Variants in SLIT2 observed in about 807,000 individuals in gnomAD.
SLIT2 encodes the protein slit guidance ligand 2, also known as slit homolog 2 protein.
A neutral mutation model predicts 185.7 loss-of-function variants in SLIT2; 41 were observed. The observed-to-expected ratio is 0.22, with a 90% CI of 0.17 to 0.29. The LOEUF (loss-of-function observed/expected upper bound fraction) is 0.29, where lower values mean the gene tolerates loss of function less well. Ranked by LOEUF, SLIT2 falls within the 10% of genes least tolerant of loss-of-function variation. The probability of loss-of-function intolerance (pLI) is 1.00; values close to 1 mark genes in which losing one functional copy is unlikely to be tolerated. For missense variants in SLIT2, 1,571 were observed against 1,909.0 expected, an observed-to-expected ratio of 0.82 and a Z score of 3.30; for synonymous variants, 693 against 680.2, an observed-to-expected ratio of 1.02 and a Z score of -0.29.
At chr4:20,287,914 TTAAG>T (rs1309821962) in intron 4 of SLIT2, among the ~76,000 whole-genome samples, 18 of 152,220 alleles carry the variant, frequency 1.2e-4, no homozygotes, top group African/African-American at 4.1e-4. Flanking sequence ...GTATTGATGT[TTAAG>T]TTTTATAAAG....
intron 18 of SLIT2, among the ~76,000 whole-genome samples, chr4:20,534,610 C>A (rs1040080708): frequency 6.6e-6 from 1 of 152,024 alleles, no homozygotes; most frequent in African/African-American, 2.4e-5. Context: ...CTTTAGAAGG[C>A]AGAAAGGAAA....
chr4:20,289,118 A>G (rs1715563063), intron 4 of SLIT2, among the ~76,000 whole-genome samples: 1 of 152,182 alleles, frequency 6.6e-6, no homozygotes, highest in African/African-American at 2.4e-5. Flanking sequence ...GCATGTGGGG[A>G]AGTAACCAAC....
intron 9 of SLIT2, among the ~76,000 whole-genome samples, chr4:20,497,078 C>G (rs1285343994): frequency 7.1e-6 from 1 of 141,184 alleles, no homozygotes; most frequent in Non-Finnish European, 1.5e-5. Context: ...TTTTTTTTTT[C>G]TATTCTCGGC....
intron 3 of SLIT2, among the ~76,000 whole-genome samples, chr4:20,263,407 A>G (rs570379714): frequency 6.6e-6 from 1 of 151,822 alleles, no homozygotes; most frequent in Non-Finnish European, 1.5e-5. Flanking sequence ...ATACAGATGG[A>G]CAGTTCTGGA....
chr4:20,494,734 C>T (rs1037903837), intron 9 of SLIT2, among the ~76,000 whole-genome samples: 8 of 150,662 alleles, frequency 5.3e-5, no homozygotes, highest in South Asian at 2.1e-4. Context: ...GCCGAGATAG[C>T]GCCACTGCAC....
In SLIT2 at chr4:20,546,116, A is replaced by C. The variant is rs748321649; in HGVS notation, c.2345+17A>C. 2.1e-6 allele frequency: 3 copies of C among 1,452,052 alleles called. No homozygotes were observed. The highest frequency in any genetic ancestry group is 1.9e-6 in the Non-Finnish European group (2 of 1,049,838). The allele number at this position is 1,452,052 out of a possible 1,614,324, so 89.9% of individuals were successfully genotyped here. A position where few individuals can be genotyped will look rare whatever the true frequency, so the allele number is the denominator to read the frequency against. On this transcript the variant is annotated intron_variant, in intron 22 of 36. Transcript: ENST00000504154. ...AACACTTATGTGAGTAACATATTGC[A>C]CTTTTCTTTGACTTACTCTATTTCC...
intron 4 of SLIT2, among the ~76,000 whole-genome samples, chr4:20,422,972 A>G (rs1232278645): frequency 1.3e-5 from 2 of 152,144 alleles, no homozygotes; most frequent in East Asian, 3.9e-4. Flanking sequence ...TAGAAAATGT[A>G]TGTTTAACCT....
intron 21 of SLIT2, among the ~76,000 whole-genome samples, chr4:20,543,015 A>C (rs1472741522): frequency 6.6e-6 from 1 of 151,980 alleles, no homozygotes; most frequent in East Asian, 1.9e-4. Context: ...CATGGAATGC[A>C]CTTTGGGAAA....
chr4:20,360,088 G>T lies in SLIT2; in HGVS notation c.395+91207G>T, dbSNP rs773504097. 2.0e-5 allele frequency among the ~76,000 whole-genome samples: 3 copies of T among 152,154 alleles called. No homozygotes were observed. In the East Asian group the frequency reaches 5.8e-4, roughly 29 times the overall value. ...AGATCAGGTCATGTGACAGGACTCTGCTCACTCCCTCTCTACACTTTAATC... is the reference window on the plus strand; with the variant it reads ...AGATCAGGTCATGTGACAGGACTCTTCTCACTCCCTCTCTACACTTTAATC... On this transcript the variant is annotated intron_variant, in intron 4 of 36. Transcript: ENST00000504154.
intron 3 of SLIT2, among the ~76,000 whole-genome samples, chr4:20,260,343 G>T (rs1307473635): frequency 6.6e-6 from 1 of 151,680 alleles, no homozygotes; most frequent in Admixed American, 6.6e-5. Context: ...TAAGAATTTA[G>T]TTGTGAAATT....
chr4:20,404,748 C>G (rs968087427), intron 4 of SLIT2, among the ~76,000 whole-genome samples: 19 of 151,892 alleles, frequency 1.3e-4, no homozygotes, highest in African/African-American at 4.4e-4. Context: ...TAAAATTATA[C>G]CCAAATGTAG....
chr4:20,492,043 ACT>A, intron 9 of SLIT2, 144 bp downstream of exon 9: 1 of 715,452 alleles, frequency 1.4e-6, no homozygotes, highest in Non-Finnish European at 2.2e-6. Flanking sequence ...ATTGATTCTT[ACT>A]CTGATTGTTT....
intron 4 of SLIT2, among the ~76,000 whole-genome samples, chr4:20,355,163 G>A (rs1722220600): frequency 6.6e-6 from 1 of 152,198 alleles, no homozygotes. Flanking sequence ...GGCAACAGGT[G>A]TGTAATTATC....
chr4:20,406,801 A>G, intron 4 of SLIT2, among the ~76,000 whole-genome samples: 1 of 118,914 alleles, frequency 8.4e-6, no homozygotes, highest in Admixed American at 9.0e-5. Context: ...TAGCAATGCC[A>G]CTTCTAGGTA....
At chr4:20,489,167 A>T (rs1209483528) in intron 8 of SLIT2, among the ~76,000 whole-genome samples, 185 bp downstream of exon 8, 1 of 152,242 alleles carries the variant, frequency 6.6e-6, no homozygotes, top group African/African-American at 2.4e-5. Flanking sequence ...TCGGTTGGCA[A>T]GTACTGGTTA....
intron 4 of SLIT2, among the ~76,000 whole-genome samples, chr4:20,409,101 T>G (rs1297944747): frequency 2.0e-5 from 3 of 152,152 alleles, no homozygotes; most frequent in Non-Finnish European, 4.4e-5. Flanking sequence ...TGGGGTACCA[T>G]GTGCAGGATG....
chr4:20,382,877 G>A (rs987077788), intron 4 of SLIT2, among the ~76,000 whole-genome samples: 1 of 152,086 alleles, frequency 6.6e-6, no homozygotes, highest in African/African-American at 2.4e-5. Context: ...ATTGGAGGAT[G>A]TACAAAACTG....
intron 4 of SLIT2, among the ~76,000 whole-genome samples, chr4:20,404,813 A>T (rs1726641381): frequency 6.6e-6 from 1 of 152,076 alleles, no homozygotes; most frequent in Non-Finnish European, 1.5e-5. Flanking sequence ...CTTAATATCC[A>T]CAAAATCATT....
At position 20,528,206 on chromosome 4, in the gene SLIT2, G is replaced by A. The variant is rs372801492; in HGVS notation, c.1463-743G>A. The A allele has an allele frequency of 2.5e-5, 13 of 529,660 alleles. No individual in the cohort carries two copies. The Middle Eastern group carries it at 9.5e-4, about 39-fold the overall frequency. The allele number at this position is 529,660 out of a possible 1,614,324, so 32.8% of individuals were successfully genotyped here. On this transcript the variant is annotated intron_variant, in intron 15 of 36. Coordinates refer to ENST00000504154, the MANE Select transcript of SLIT2 (RefSeq NM_004787.4). The surrounding 1 kb of genome is among the most constrained non-coding windows in gnomAD (Gnocchi z 4.2). ...GTAAACAGTATTACGTTTCCAGAAC[G>A]TCTGTAGCTTTTCTCCTCCTTCCCT...
Sources: gnomAD v4.1 joint callset for allele counts (sites outside exome capture counted in the v4.1 genomes callset) on GRCh38, gnomAD v4.1.1 for gene constraint, Gnocchi (gnomAD v3.1) non-coding constraint, MANE v1.5 for transcripts, NCBI Gene and HGNC (gene_info 2026-07-23, HGNC 2026-07-21) for gene names.